The following ATP7B variants were observed in gnomAD, a reference collection of about 807,000 sequenced individuals.
ATP7B encodes the protein ATPase copper transporting beta, also known as copper-transporting ATPase 2.
Under a neutral mutation model 118.9 loss-of-function variants are expected in ATP7B, and 113 were observed. That is an observed-to-expected ratio of 0.95 (90% CI 0.82 to 1.11). The LOEUF (loss-of-function observed/expected upper bound fraction) is 1.11, where lower values mean the gene tolerates loss of function less well. Among genes scored for constraint, ATP7B ranks in the 50% most tolerant of loss-of-function variants. ATP7B has a pLI of 0.00. For missense variants in ATP7B, 1,867 were observed against 1,871.4 expected, an observed-to-expected ratio of 1.00 and a Z score of 0.04; for synonymous variants, 777 against 727.4, an observed-to-expected ratio of 1.07 and a Z score of -1.10.
At chr13:51,961,519 G>C (rs1033279523) in intron 6 of ATP7B, among the ~76,000 whole-genome samples, 2 of 152,168 alleles carry the variant, frequency 1.3e-5, no homozygotes, top group Non-Finnish European at 2.9e-5. Flanking sequence ...TGTCCAATCT[G>C]TTAGCTAAAG....
At chr13:51,942,592 C>A (rs1243403347) in intron 14 of ATP7B, 38 bp from the exon 15 acceptor site, 1 of 1,612,102 alleles carries the variant, frequency 6.2e-7, no homozygotes, top group Non-Finnish European at 8.5e-7. Flanking sequence ...AAACTGTAAG[C>A]CAAGAGGGGT....
At chr13:51,939,586 T>C (rs1161222120) in intron 16 of ATP7B, among the ~76,000 whole-genome samples, 2 of 152,254 alleles carry the variant, frequency 1.3e-5, no homozygotes, top group African/African-American at 4.8e-5. Flanking sequence ...AAGTGATAAA[T>C]GTCCAAACTA....
In ATP7B at chr13:51,968,583, A is replaced by G. The variant is rs773385516; in HGVS notation, c.1568T>C (p.Leu523Ser). Residue 523 changes from leucine to serine, a missense_variant, in exon 4 of 21, where the codon TTG becomes TCG. Leu to Ser is a moderately radical substitution (Grantham distance 145, BLOSUM62 -2). Coordinates refer to ENST00000242839, the MANE Select transcript of ATP7B (RefSeq NM_000053.4). ...CTTGATCTCTGCCTTTCCTGCCATC[A>G]AGGCAACCAACACGGAGAGAACACC... ...EAGVLSVLVA[L>S]MAGKAEIKYD... The G allele has an allele frequency of 5.6e-6, 9 of 1,614,096 alleles. No individual in the cohort carries two copies. The South Asian group carries it at 9.9e-5, about 18-fold the overall frequency.
chr13:51,982,995 C>T (rs998596245), intron 1 of ATP7B, among the ~76,000 whole-genome samples: 5 of 152,270 alleles, frequency 3.3e-5, no homozygotes, highest in South Asian at 2.1e-4. Context: ...GCCGTTTGGG[C>T]AGACACCAAG....
At chr13:51,943,946 GCTGA>G (rs991399616) in intron 14 of ATP7B, among the ~76,000 whole-genome samples, 159 bp downstream of exon 14, 1 of 150,830 alleles carries the variant, frequency 6.6e-6, no homozygotes, top group African/African-American at 2.5e-5. Context: ...TGTGGCAAGG[GCTGA>G]CTGTGAGCCC....
chr13:51,961,789 G>A (rs376702369), intron 6 of ATP7B, 48 bp downstream of exon 6: 57 of 1,570,242 alleles, frequency 3.6e-5, no homozygotes, highest in Non-Finnish European at 4.9e-5. Context: ...CCAGGTAGAG[G>A]AAGGGACTTA....
intron 6 of ATP7B, among the ~76,000 whole-genome samples, chr13:51,960,738 T>C (rs1168815297): frequency 6.6e-6 from 1 of 152,226 alleles, no homozygotes; most frequent in Non-Finnish European, 1.5e-5. Context: ...CAGTATTTTA[T>C]TAGTATAAAC....
chr13:51,972,288 C>A (rs1051417713), intron 2 of ATP7B, among the ~76,000 whole-genome samples: 2 of 152,206 alleles, frequency 1.3e-5, no homozygotes, highest in African/African-American at 4.8e-5. Flanking sequence ...CGCGAAGATA[C>A]GATTCAGACC....
In ATP7B at chr13:51,956,520, G is replaced by A. The variant is rs116133407; in HGVS notation, c.2447+996C>T. ...AGAAAACCAACAGAGAAAGGTTCCCGGGTAGAGGCATTGGAGGAGACGCCT... is the reference window on the plus strand; with the variant it reads ...AGAAAACCAACAGAGAAAGGTTCCCAGGTAGAGGCATTGGAGGAGACGCCT... On this transcript the variant is annotated intron_variant, in intron 9 of 20. Coordinates refer to ENST00000242839, the MANE Select transcript of ATP7B (RefSeq NM_000053.4). 7.4e-3 allele frequency among the ~76,000 whole-genome samples: 1,121 copies of A among 152,270 alleles called. 16 individuals carry two copies. The highest frequency in any genetic ancestry group is 0.026 in the African/African-American group (1,080 of 41,544).
At position 51,934,065 on chromosome 13, in the gene ATP7B, G is replaced by A. The variant is rs774189270; in HGVS notation, c.*691C>T. 2 of 153,912 alleles carry A rather than the reference G, an allele frequency of 1.3e-5. No homozygotes were observed. The highest frequency in any genetic ancestry group is 2.9e-5 in the Non-Finnish European group (2 of 69,232). The allele number at this position is 153,912 out of a possible 1,614,324, so 9.5% of individuals were successfully genotyped here. On this transcript the variant is annotated 3_prime_UTR_variant, in exon 21 of 21. Transcript: ENST00000242839. Reference sequence around the variant, plus strand: ...GAAGAGTGTGGCAAGCTCCCTGGCTGGGGATGTGTGAGCCAGGAAGCAGGT... The same window carrying A: ...GAAGAGTGTGGCAAGCTCCCTGGCTAGGGATGTGTGAGCCAGGAAGCAGGT...
In ATP7B at chr13:51,967,601, G is replaced by A. The variant is rs1176657603; in HGVS notation, c.1707+843C>T. On this transcript the variant is annotated intron_variant, in intron 4 of 20. Transcript: ENST00000242839. ...GAGGCCCTACCACAGCAAAGGGTTT[G>A]CTCCACAAAGAACACGGCTTATCAG... 2.6e-5 allele frequency among the ~76,000 whole-genome samples: 4 copies of A among 152,198 alleles called. No individual in the cohort carries two copies. In the East Asian group the frequency reaches 7.7e-4, roughly 29 times the overall value.
chr13:51,944,345 T>C lies in ATP7B; in HGVS notation c.3061-54A>G, dbSNP rs1055182435. ...CACAATACAGATGGAGGGGCTTCCATAGTCACACTCCTGAGGCAGAACTTC... is the reference window on the plus strand; with the variant it reads ...CACAATACAGATGGAGGGGCTTCCACAGTCACACTCCTGAGGCAGAACTTC... On this transcript the variant is annotated intron_variant, in intron 13 of 20. Transcript: ENST00000242839. The C allele has an allele frequency of 2.6e-5, 41 of 1,606,418 alleles. No individual in the cohort carries two copies. In the East Asian group the frequency reaches 5.8e-4, roughly 23 times the overall value.
intron 5 of ATP7B, among the ~76,000 whole-genome samples, chr13:51,964,480 GTGGATCA>G (rs1958959141): frequency 6.6e-6 from 1 of 152,206 alleles, no homozygotes; most frequent in African/African-American, 2.4e-5. Flanking sequence ...GTGGCAAAAT[GTGGATCA>G]TTTTTTCCAA....
intron 17 of ATP7B, among the ~76,000 whole-genome samples, chr13:51,938,321 A>AC (rs1042556090): frequency 5.3e-5 from 8 of 151,976 alleles, no homozygotes; most frequent in African/African-American, 1.9e-4. Flanking sequence ...TCAAGGGCAG[A>AC]CCCCCCTTCA....
chr13:51,999,469 C>T (rs1953381626), intron 1 of ATP7B, among the ~76,000 whole-genome samples: 2 of 152,202 alleles, frequency 1.3e-5, no homozygotes, highest in South Asian at 4.1e-4. Context: ...AAATAAACTG[C>T]ACTTGGCTGA....
chr13:51,995,631 T>C (rs1186793204), intron 1 of ATP7B, among the ~76,000 whole-genome samples: 7 of 152,196 alleles, frequency 4.6e-5, no homozygotes, highest in African/African-American at 1.7e-4. Flanking sequence ...TAGAGAGAAA[T>C]GCTTTAGAAG....
intron 1 of ATP7B, among the ~76,000 whole-genome samples, chr13:51,981,649 G>A (rs1952427863): frequency 6.6e-6 from 1 of 152,002 alleles, no homozygotes; most frequent in African/African-American, 2.4e-5. Context: ...AGTGGGGGTT[G>A]GTCTCTAAAA....
At chr13:51,936,237 A>T (rs1566437489) in intron 19 of ATP7B, among the ~76,000 whole-genome samples, 2 of 152,272 alleles carry the variant, frequency 1.3e-5, no homozygotes, top group South Asian at 4.1e-4. Flanking sequence ...TGGGGGAATT[A>T]AGCTCCTGAG....
intron 1 of ATP7B, among the ~76,000 whole-genome samples, chr13:51,981,645 G>T (rs574647587): frequency 3.3e-5 from 5 of 152,166 alleles, no homozygotes; most frequent in African/African-American, 1.2e-4. Context: ...GGCCAGTGGG[G>T]GTTGGTCTCT....
Sources: allele counts gnomAD v4.1 joint callset (sites outside exome capture counted in the v4.1 genomes callset), GRCh38; gene constraint gnomAD v4.1.1; transcripts MANE v1.5; gene names NCBI Gene and HGNC (gene_info 2026-07-23, HGNC 2026-07-21).